Variants in AFF2 observed in about 807,000 individuals in gnomAD.
AFF2 encodes AF4/FMR2 family member 2.
Under a neutral mutation model 76.9 loss-of-function variants are expected in AFF2, and 14 were observed. The observed-to-expected ratio is 0.18, with a 90% CI of 0.12 to 0.28. The LOEUF is 0.28. Among genes scored for constraint, AFF2 ranks in the 10% least tolerant of loss-of-function variants. AFF2 has a pLI of 1.00. For synonymous variants in AFF2, 398 were observed against 366.7 expected (o/e 1.09, Z -0.98); for missense variants, 868 against 1,001.1 (o/e 0.87, Z 1.79).
At chrX:148,967,314 T>C (rs950478340) in intron 14 of AFF2, among the ~76,000 whole-genome samples, 5 of 111,760 alleles carry the variant, frequency 4.5e-5, no homozygotes, top group Admixed American at 9.5e-5. Context: ...AGGCAGGTTG[T>C]TCTGTCCTTT....
At position 148,956,510 on chromosome X, in the gene AFF2, C is replaced by T; in HGVS notation, c.2465C>T (p.Ala822Val). 1 of 1,211,909 alleles carries T rather than the reference C, an allele frequency of 8.3e-7. No homozygotes were observed. Residue 822 changes from alanine to valine, a missense_variant, in exon 11 of 21, where the codon GCA (alanine) becomes GTA (valine). Ala to Val is a moderately conservative substitution (Grantham distance 64). Transcript: ENST00000370460. ...CCTGGCCACAGCTCACTCCATGCAG[C>T]ACCTGCCAAGCCAGACCACAAGGAG... ...RVPGHSSLHAAPAKPDHKETA... is the reference protein window; with the variant it reads ...RVPGHSSLHAVPAKPDHKETA...
At chrX:148,892,581 C>T (rs1018049417) in intron 8 of AFF2, among the ~76,000 whole-genome samples, 23 of 110,899 alleles carry the variant, frequency 2.1e-4, no homozygotes, top group African/African-American at 6.6e-4. Flanking sequence ...GGGATGTGTT[C>T]CTGATACCTG....
rs782084454 is a variant in AFF2, at chrX:148,723,919, C to CTT, written c.1041+61165_1041+61166dup. Among the ~76,000 whole-genome samples the CTT allele has an allele frequency of 2.0e-3, 173 of 84,534 alleles. 1 individual carries two copies. The highest frequency in any genetic ancestry group is 3.4e-3 in the Non-Finnish European group (146 of 42,539). The allele number at this position is 84,534 out of a possible 115,157, so 73.4% of individuals were successfully genotyped here. ...CTTTTTTTTTCTTTTTTTCTTTTTT[C>CTT]TTTTTTTTTTTTTTTGGTGATGATG... is the stretch of plus-strand genomic sequence containing the variant. On this transcript the variant is annotated intron_variant, in intron 3 of 20. Coordinates refer to ENST00000370460, the MANE Select transcript of AFF2 (RefSeq NM_002025.4).
chrX:148,654,539 T>A (rs1245288214), intron 2 of AFF2, among the ~76,000 whole-genome samples: 1 of 110,619 alleles, frequency 9.0e-6, no homozygotes, highest in African/African-American at 3.3e-5. Flanking sequence ...AACGTGAACA[T>A]GTTTAGAGAT....
chrX:148,863,647 G>A (rs1349831072), intron 7 of AFF2, among the ~76,000 whole-genome samples: 2 of 111,204 alleles, frequency 1.8e-5, no homozygotes, highest in African/African-American at 6.5e-5. Flanking sequence ...TATTCTTTGA[G>A]GAAATACCAA....
intron 4 of AFF2, among the ~76,000 whole-genome samples, chrX:148,829,401 G>A (rs1434806145): frequency 4.5e-5 from 5 of 111,787 alleles, no homozygotes; most frequent in Non-Finnish European, 9.4e-5. Flanking sequence ...GGAATGGCTA[G>A]TGATCAAGCC....
chrX:148,978,564 C>T (rs1465901247), intron 18 of AFF2, 109 bp downstream of exon 18: 13 of 549,477 alleles, frequency 2.4e-5, no homozygotes, highest in Non-Finnish European at 3.3e-5. Context: ...AACCTCTCTC[C>T]TCCCTGCTGG....
chrX:148,866,018 T>G (rs2124074288), intron 7 of AFF2, among the ~76,000 whole-genome samples: 1 of 111,802 alleles, frequency 8.9e-6, no homozygotes, highest in South Asian at 3.7e-4. Flanking sequence ...ACGAGGCTCT[T>G]AATTGGCACT....
At chrX:148,566,428 T>TTA (rs199797949) in intron 1 of AFF2, among the ~76,000 whole-genome samples, 13 of 109,163 alleles carry the variant, frequency 1.2e-4, no homozygotes, top group Middle Eastern at 4.7e-3. Context: ...ATTTGTTTTA[T>TTA]TATATATATA....
At chrX:148,657,850 G>A (rs1480012333) in intron 2 of AFF2, among the ~76,000 whole-genome samples, 1 of 112,275 alleles carries the variant, frequency 8.9e-6, no homozygotes, top group Non-Finnish European at 1.9e-5. Context: ...AGATTACCAA[G>A]AATATTTTGT....
At position 148,928,014 on chromosome X, in the gene AFF2, G is replaced by T. The variant is rs73614009; in HGVS notation, c.1397+23756G>T. On this transcript the variant is annotated intron_variant, in intron 9 of 20. Transcript: ENST00000370460. ...AATGAAGCCTTTGGCTCTGTTTTTC[G>T]TAAGGTTCCCACTCTGTTCATATGA... Among the ~76,000 whole-genome samples the T allele has an allele frequency of 2.7e-5, 3 of 111,036 alleles. No homozygotes were observed. The East Asian group carries it at 8.5e-4, about 31-fold the overall frequency.
At chrX:148,716,192 A>T (rs1405896784) in intron 3 of AFF2, among the ~76,000 whole-genome samples, 3 of 111,407 alleles carry the variant, frequency 2.7e-5, no homozygotes. Context: ...CAATCCTTTG[A>T]CCAGCTGTCC....
chrX:148,757,841 G>A (rs2069392981), intron 3 of AFF2, among the ~76,000 whole-genome samples: 1 of 112,001 alleles, frequency 8.9e-6, no homozygotes, highest in Non-Finnish European at 1.9e-5. Context: ...AAACTCTCAT[G>A]CATCTCTCTG....
At chrX:148,754,927 C>G (rs1303246853) in intron 3 of AFF2, among the ~76,000 whole-genome samples, 1 of 111,740 alleles carries the variant, frequency 8.9e-6, no homozygotes, top group Non-Finnish European at 1.9e-5. Context: ...AATAACAGGA[C>G]TCTTTCTTAT....
Position 148,598,573 on chromosome X carries a change from A to G in AFF2, c.48-53426A>G, listed in dbSNP as rs180945489. Among the ~76,000 whole-genome samples, 8 of 112,012 alleles carry G rather than the reference A, an allele frequency of 7.1e-5. No individual in the cohort carries two copies. The East Asian group carries it at 1.7e-3, about 24-fold the overall frequency. The stretch of plus-strand genomic sequence containing the variant: ...GCCATGGGAAACCAGAATTCCTTCC[A>G]ACCACCAGACTTAGTTACTTCTTCA... On this transcript the variant is annotated intron_variant, in intron 1 of 20. Transcript: ENST00000370460.
intron 3 of AFF2, among the ~76,000 whole-genome samples, chrX:148,666,617 TAAA>T (rs1267637281): frequency 9.3e-6 from 1 of 107,793 alleles, no homozygotes; most frequent in Admixed American, 9.9e-5. Flanking sequence ...AATAAATAAA[TAAA>T]TAAATAAATA....
chrX:148,568,396 G>C (rs1482924604), intron 1 of AFF2, among the ~76,000 whole-genome samples: 2 of 111,897 alleles, frequency 1.8e-5, no homozygotes, highest in South Asian at 7.4e-4. Flanking sequence ...TAAATTTCTA[G>C]AGCTGTTAGA....
At chrX:148,968,908 C>G (rs1201248792) in intron 15 of AFF2, among the ~76,000 whole-genome samples, 1 of 111,908 alleles carries the variant, frequency 8.9e-6, no homozygotes, top group Admixed American at 9.5e-5. Context: ...TAATGCTGCT[C>G]CCTCAAAGAC....
intron 3 of AFF2, among the ~76,000 whole-genome samples, chrX:148,803,677 C>T (rs187572647): frequency 9.0e-6 from 1 of 111,650 alleles, no homozygotes; most frequent in Non-Finnish European, 1.9e-5. Context: ...TATTCAGAGC[C>T]CACTGAATTA....
Sources: gnomAD v4.1 joint callset for allele counts (sites outside exome capture counted in the v4.1 genomes callset) on GRCh38, gnomAD v4.1.1 for gene constraint, MANE v1.5 for transcripts, NCBI Gene and HGNC (gene_info 2026-07-23, HGNC 2026-07-21) for gene names.